CYTH1: variants seen among roughly 807,000 people sequenced by gnomAD.
CYTH1 encodes cytohesin-1.
A neutral mutation model predicts 61.8 loss-of-function variants in CYTH1; 18 were observed. The ratio of observed to expected loss-of-function variants is 0.29; its 90% CI spans 0.20 to 0.43. CYTH1 has a LOEUF of 0.43. CYTH1 is among the 20% of genes least tolerant of loss of function. The pLI is 1.00. For missense variants in CYTH1, 336 were observed against 510.5 expected (o/e 0.66, Z 3.29); for synonymous variants, 174 against 184.3 (o/e 0.94, Z 0.45).
chr17:78,753,415 G>A (rs1211141794), intron 1 of CYTH1, among the ~76,000 whole-genome samples: 1 of 152,170 alleles, frequency 6.6e-6, no homozygotes, highest in Admixed American at 6.6e-5. Flanking sequence ...GCTCATGCCT[G>A]TTAGCTCAAC....
chr17:78,772,658 C>A (rs1895556985), intron 1 of CYTH1, among the ~76,000 whole-genome samples: 1 of 151,998 alleles, frequency 6.6e-6, no homozygotes, highest in African/African-American at 2.4e-5. Flanking sequence ...CTGCCTTAGC[C>A]TCCTGAATAG....
chr17:78,711,002 C>A (rs935779538), intron 1 of CYTH1, among the ~76,000 whole-genome samples: 1 of 152,084 alleles, frequency 6.6e-6, no homozygotes, highest in Non-Finnish European at 1.5e-5. Context: ...GTGGCTCATG[C>A]CTGTAATCCC....
chr17:78,767,853 A>G (rs2093455402), intron 1 of CYTH1, among the ~76,000 whole-genome samples: 1 of 152,206 alleles, frequency 6.6e-6, no homozygotes, highest in African/African-American at 2.4e-5. Context: ...AAAATGCCAG[A>G]ATGCAGCTAA....
chr17:78,760,643 C>T (rs1274949446), intron 1 of CYTH1, among the ~76,000 whole-genome samples: 1 of 146,456 alleles, frequency 6.8e-6, no homozygotes, highest in East Asian at 2.0e-4. Flanking sequence ...TATCTTAAAA[C>T]CCTCTTTTCT....
At chr17:78,770,162 A>G (rs2093464891) in intron 1 of CYTH1, among the ~76,000 whole-genome samples, 1 of 151,268 alleles carries the variant, frequency 6.6e-6, no homozygotes, top group Non-Finnish European at 1.5e-5. Flanking sequence ...AAAAAAAAAG[A>G]AAAATACAAA....
At chr17:78,779,062 T>C (rs1347269414) in intron 1 of CYTH1, among the ~76,000 whole-genome samples, 1 of 152,190 alleles carries the variant, frequency 6.6e-6, no homozygotes, top group Non-Finnish European at 1.5e-5. Context: ...GAATCTTCAA[T>C]CTTTTTAGTT....
chr17:78,728,939 G>T (rs1426817933), intron 1 of CYTH1, among the ~76,000 whole-genome samples: 2 of 152,154 alleles, frequency 1.3e-5, no homozygotes, highest in South Asian at 4.1e-4. Flanking sequence ...AATAATTCTA[G>T]AATAGAGCAT....
intron 1 of CYTH1, among the ~76,000 whole-genome samples, chr17:78,712,038 C>T (rs554523444): frequency 6.0e-5 from 9 of 151,132 alleles, no homozygotes; most frequent in Admixed American, 5.3e-4. Context: ...AAGATCGCAC[C>T]ACTGCACTCC....
intron 1 of CYTH1, among the ~76,000 whole-genome samples, chr17:78,776,462 G>C (rs543103232): frequency 2.0e-5 from 3 of 152,054 alleles, no homozygotes; most frequent in African/African-American, 7.2e-5. Context: ...TTCGAGACCA[G>C]CCTGGCCAAC....
chr17:78,764,504 A>G (rs2093440697), intron 1 of CYTH1, among the ~76,000 whole-genome samples: 1 of 152,158 alleles, frequency 6.6e-6, no homozygotes, highest in Non-Finnish European at 1.5e-5. Context: ...CTCTGAATGC[A>G]TAAAAAATGT....
chr17:78,741,172 T>C (rs1427345094), intron 1 of CYTH1, among the ~76,000 whole-genome samples: 1 of 152,164 alleles, frequency 6.6e-6, no homozygotes, highest in African/African-American at 2.4e-5. Flanking sequence ...ATCCCTTAAA[T>C]AGATTTTAGC....
intron 1 of CYTH1, among the ~76,000 whole-genome samples, chr17:78,763,086 G>A (rs181607617): frequency 4.6e-5 from 7 of 152,284 alleles, no homozygotes; most frequent in Non-Finnish European, 7.4e-5. Flanking sequence ...GCTCACGCCT[G>A]TAATCCCAGC....
intron 6 of CYTH1, among the ~76,000 whole-genome samples, chr17:78,701,360 C>T (rs190180063): frequency 3.3e-4 from 50 of 152,072 alleles, no homozygotes; most frequent in South Asian, 4.2e-4. Flanking sequence ...TATTCCAGGG[C>T]AAGAAATTAA....
chr17:78,734,217 C>T (rs568997248), intron 1 of CYTH1, among the ~76,000 whole-genome samples: 53 of 150,218 alleles, frequency 3.5e-4, no homozygotes, highest in African/African-American at 1.2e-3. Flanking sequence ...ACTCCAGCCT[C>T]GGCAACAGAG....
intron 1 of CYTH1, among the ~76,000 whole-genome samples, chr17:78,761,809 A>C (rs1226563154): frequency 6.6e-6 from 1 of 152,268 alleles, no homozygotes; most frequent in Non-Finnish European, 1.5e-5. Flanking sequence ...AGAATGCTAT[A>C]CACACACATT....
chr17:78,715,922 A>C (rs1454447849), intron 1 of CYTH1, among the ~76,000 whole-genome samples: 1 of 152,188 alleles, frequency 6.6e-6, no homozygotes, highest in Non-Finnish European at 1.5e-5. Context: ...GTTTGAGGGA[A>C]GCAAAGTGGA....
intron 1 of CYTH1, among the ~76,000 whole-genome samples, chr17:78,724,714 C>G (rs2093256112): frequency 1.3e-5 from 2 of 152,220 alleles, no homozygotes; most frequent in Admixed American, 6.5e-5. Context: ...TCCCTCCTTT[C>G]CAGTCTCCTG....
rs183436848 is a variant in CYTH1, at chr17:78,755,044, T to C, written c.22+27158A>G. ...AGTTTTATACACAATAGCCCAAATCTGGAAACAACTCATATGTTCATCAAC... is the reference window on the plus strand; with the variant it reads ...AGTTTTATACACAATAGCCCAAATCCGGAAACAACTCATATGTTCATCAAC... On this transcript the variant is annotated intron_variant, in intron 1 of 13. Transcript: ENST00000446868. Among the ~76,000 whole-genome samples the C allele has an allele frequency of 8.2e-4, 125 of 152,122 alleles. 1 individual carries two copies. The highest frequency in any genetic ancestry group is 2.9e-3 in the African/African-American group (120 of 41,474).
At chr17:78,708,344 C>T in intron 2 of CYTH1, 83 bp from the exon 3 acceptor site, 5 of 1,264,706 alleles carry the variant, frequency 4.0e-6, no homozygotes, top group Non-Finnish European at 5.5e-6. Flanking sequence ...TAACTCCCTC[C>T]AACCAAAAAC....
Sources: allele counts gnomAD v4.1 joint callset (sites outside exome capture counted in the v4.1 genomes callset), GRCh38; gene constraint gnomAD v4.1.1; transcripts MANE v1.5; gene names NCBI Gene and HGNC (gene_info 2026-07-23, HGNC 2026-07-21).